The following PPL variants were observed in gnomAD, a reference collection of about 807,000 sequenced individuals.
The protein encoded by PPL is periplakin, also known as 190 kDa paraneoplastic pemphigus antigen.
A neutral mutation model predicts 194.4 loss-of-function variants in PPL; 198 were observed. The ratio of observed to expected loss-of-function variants is 1.02; its 90% CI spans 0.91 to 1.15. The LOEUF is 1.15. Ranked by LOEUF, PPL falls within the 50% of genes most tolerant of loss-of-function variation. The pLI is 0.00. For synonymous variants in PPL, 1,220 were observed against 972.4 expected, an observed-to-expected ratio of 1.25 and a Z score of -4.74; for missense variants, 2,885 against 2,294.8, an observed-to-expected ratio of 1.26 and a Z score of -5.25.
intron 2 of PPL, 107 bp downstream of exon 2, chr16:4,910,743 G>A (rs1400372984): frequency 3.0e-6 from 3 of 998,524 alleles, no homozygotes; most frequent in Middle Eastern, 2.1e-4. Context: ...TTCCCTCGGG[G>A]CCACAATCAC....
At chr16:4,931,623 C>A (rs1337581990) in intron 1 of PPL, among the ~76,000 whole-genome samples, 8 of 152,170 alleles carry the variant, frequency 5.3e-5, no homozygotes, top group Non-Finnish European at 1.2e-4. Flanking sequence ...CGGCACAGAC[C>A]TGCCGGGAGC....
At chr16:4,933,001 C>T (rs935905121) in intron 1 of PPL, among the ~76,000 whole-genome samples, 11 of 146,236 alleles carry the variant, frequency 7.5e-5, no homozygotes, top group African/African-American at 2.8e-4. Flanking sequence ...TGTGTTCTTG[C>T]TTTTTTTTTT....
chr16:4,930,800 A>G (rs1023642393), intron 1 of PPL, among the ~76,000 whole-genome samples: 3 of 152,218 alleles, frequency 2.0e-5, no homozygotes, highest in Admixed American at 6.5e-5. Context: ...GCAGAGGGAA[A>G]GGCCTTGTGG....
chr16:4,919,006 T>C (rs1406092540), intron 1 of PPL, among the ~76,000 whole-genome samples: 4 of 152,142 alleles, frequency 2.6e-5, no homozygotes, highest in African/African-American at 4.8e-5. Context: ...AGCCCTGTCC[T>C]GCCCATGCAG....
At chr16:4,923,617 A>C (rs1292373408) in intron 1 of PPL, among the ~76,000 whole-genome samples, 1 of 152,166 alleles carries the variant, frequency 6.6e-6, no homozygotes, top group Non-Finnish European at 1.5e-5. Context: ...CAGGGGAGGA[A>C]ACTGAGGCAG....
In PPL at chr16:4,890,274, G is replaced by A. The variant is rs764595237; in HGVS notation, c.2223C>T (p.His741=). The A allele has an allele frequency of 1.7e-5, 27 of 1,614,070 alleles. No homozygotes were observed. The highest frequency in any genetic ancestry group is 8.9e-5 in the East Asian group (4 of 44,902). ...GGATGCTGACTAGGAACTGCAGCAC[G>A]TGGTCATGGCCGCGGTGGAAGTGCT... is the stretch of plus-strand genomic sequence containing the variant. ...AYEHFHRGHD[H]VLQFLVSIPS... The change falls in exon 18 of 22, where the codon CAC becomes CAT. Residue 741 remains histidine, a synonymous_variant. Coordinates refer to ENST00000345988, the MANE Select transcript of PPL (RefSeq NM_002705.5).
intron 1 of PPL, among the ~76,000 whole-genome samples, chr16:4,916,218 T>G (rs761820318): frequency 6.6e-6 from 1 of 151,838 alleles, no homozygotes; most frequent in Non-Finnish European, 1.5e-5. Flanking sequence ...TTTTATTACT[T>G]ATTTATTTTT....
chr16:4,909,723 A>T (rs2088781599), intron 2 of PPL, among the ~76,000 whole-genome samples: 1 of 151,972 alleles, frequency 6.6e-6, no homozygotes, highest in Non-Finnish European at 1.5e-5. Context: ...GCCATTACGC[A>T]CCTGGCCTGG....
chr16:4,895,635 T>TG lies in PPL; in HGVS notation c.1053dup (p.Lys352GlnfsTer7). 6.2e-7 allele frequency: 1 copy of TG among 1,614,048 alleles called. No homozygotes were observed. Among genetic ancestry groups the TG allele is most frequent in the Non-Finnish European group, 8.5e-7 (1 of 1,180,020 alleles). ...AGCAGCTCAATCTGGTACCGGTCCT[T>TG]GAAGTCAGGGCCATACTTCTGGTTC... is the stretch of plus-strand genomic sequence containing the variant. On this transcript the variant is annotated frameshift_variant, in exon 10 of 22. Transcript: ENST00000345988. LOFTEE classifies it high-confidence loss of function.
At chr16:4,887,661 G>A (rs777424045) in intron 20 of PPL, among the ~76,000 whole-genome samples, 10 of 152,138 alleles carry the variant, frequency 6.6e-5, no homozygotes, top group Non-Finnish European at 1.5e-4. Context: ...GAAGTGCCAT[G>A]GTGTGATTGT....
At chr16:4,889,121 T>C in intron 18 of PPL, 60 bp from the exon 19 acceptor site, 1 of 1,301,830 alleles carries the variant, frequency 7.7e-7, no homozygotes, top group Non-Finnish European at 1.1e-6. Context: ...AAAGCAACCA[T>C]GGATGCAGTA....
intron 14 of PPL, chr16:4,892,885 T>G (rs377385184): frequency 3.2e-5 from 8 of 247,352 alleles, no homozygotes; most frequent in East Asian, 1.6e-4. Flanking sequence ...GCCTGGAGTT[T>G]ATAAATACAA....
intron 18 of PPL, among the ~76,000 whole-genome samples, chr16:4,889,615 A>G (rs2088283256): frequency 6.6e-6 from 1 of 152,118 alleles, no homozygotes; most frequent in East Asian, 1.9e-4. Context: ...TCTGCTAGGA[A>G]ACAAATGTTT....
chr16:4,898,085 T>C (rs1430315348), intron 8 of PPL, among the ~76,000 whole-genome samples: 1 of 152,012 alleles, frequency 6.6e-6, no homozygotes, highest in Non-Finnish European at 1.5e-5. Context: ...TCCCACCAAA[T>C]CCATGACCCT....
At chr16:4,928,461 T>C (rs1467563359) in intron 1 of PPL, among the ~76,000 whole-genome samples, 1 of 152,222 alleles carries the variant, frequency 6.6e-6, no homozygotes, top group East Asian at 1.9e-4. Flanking sequence ...GTTTTTGTCA[T>C]GCTTTGTAAG....
chr16:4,930,204 C>G (rs1191293347), intron 1 of PPL, among the ~76,000 whole-genome samples: 3 of 152,184 alleles, frequency 2.0e-5, no homozygotes, highest in African/African-American at 7.2e-5. Context: ...TCCAACTGAT[C>G]CCCGGGTTCG....
Position 4,893,362 on chromosome 16 carries a change from C to G in PPL, c.1501G>C (p.Asp501His). The change falls in exon 14 of 22, where the codon GAC becomes CAC. Residue 501 changes from aspartate to histidine, a missense_variant. Coordinates refer to ENST00000345988, the MANE Select transcript of PPL (RefSeq NM_002705.5). ...LKTENPGDASDLQGRQLLAGL... is the reference protein window; with the variant it reads ...LKTENPGDASHLQGRQLLAGL... ...GCCAGCAGCTGCCGCCCCTGTAGGT[C>G]AGAGGCATCTGTGGAGGGAGGGAGG... is the stretch of plus-strand genomic sequence containing the variant. 2 of 1,606,960 alleles carry G rather than the reference C, an allele frequency of 1.2e-6. No homozygotes were observed. Among genetic ancestry groups the G allele is most frequent in the South Asian group, 2.2e-5 (2 of 90,964 alleles).
intron 2 of PPL, among the ~76,000 whole-genome samples, chr16:4,907,627 C>T (rs145609069): frequency 5.0e-4 from 76 of 151,906 alleles, no homozygotes; most frequent in Admixed American, 9.8e-4. Context: ...GGAACTAGAT[C>T]GAGGAGATGG....
intron 17 of PPL, 96 bp downstream of exon 17, chr16:4,890,632 C>T (rs2142338394): frequency 1.4e-6 from 2 of 1,415,306 alleles, no homozygotes; most frequent in East Asian, 5.0e-5. Flanking sequence ...AAAAGAAAAA[C>T]AGCAAAATCT....
Sources: gnomAD v4.1 joint callset for allele counts (sites outside exome capture counted in the v4.1 genomes callset) on GRCh38, gnomAD v4.1.1 for gene constraint, MANE v1.5 for transcripts, NCBI Gene and HGNC (gene_info 2026-07-23, HGNC 2026-07-21) for gene names.